Variants in LHFPL4 observed in about 807,000 individuals in gnomAD.
LHFPL4 encodes LHFPL tetraspan subfamily member 4 protein.
LHFPL4 carries 6 observed loss-of-function variants against 20.0 expected under a neutral mutation model. The ratio of observed to expected loss-of-function variants is 0.30; its 90% confidence interval spans 0.16 to 0.59. The LOEUF (loss-of-function observed/expected upper bound fraction) is 0.59, where lower values mean the gene tolerates loss of function less well. Among genes scored for constraint, LHFPL4 ranks in the 20% least tolerant of loss-of-function variants. LHFPL4 has a pLI of 0.88. For synonymous variants in LHFPL4, 129 were observed against 143.8 expected, an observed-to-expected ratio of 0.90 and a Z score of 0.74; for missense variants, 215 against 331.2, an observed-to-expected ratio of 0.65 and a Z score of 2.72.
chr3:9,518,323 G>T (rs1162395974), intron 2 of LHFPL4, among the ~76,000 whole-genome samples: 1 of 152,088 alleles, frequency 6.6e-6, no homozygotes, highest in Non-Finnish European at 1.5e-5. Flanking sequence ...ATTTGTTGAT[G>T]ATTTTGGATC....
intron 2 of LHFPL4, among the ~76,000 whole-genome samples, chr3:9,524,644 G>A (rs936725334): frequency 7.2e-4 from 110 of 152,162 alleles, no homozygotes; most frequent in African/African-American, 2.7e-3. Context: ...TTGCCCATCT[G>A]TTCTTGCATG....
chr3:9,546,112 G>C (rs565189190), intron 2 of LHFPL4, among the ~76,000 whole-genome samples: 2 of 151,362 alleles, frequency 1.3e-5, no homozygotes, highest in Admixed American at 1.3e-4. Flanking sequence ...TCAGCAGTTC[G>C]AGACCAGCCT....
intron 2 of LHFPL4, among the ~76,000 whole-genome samples, chr3:9,513,040 AG>A (rs1444102187): frequency 3.3e-5 from 5 of 151,854 alleles, no homozygotes; most frequent in Non-Finnish European, 5.9e-5. Context: ...GCTCACTGCA[AG>A]CTCCGCCTCC....
intron 2 of LHFPL4, among the ~76,000 whole-genome samples, chr3:9,550,040 C>T (rs2046542806): frequency 6.6e-6 from 1 of 152,088 alleles, no homozygotes; most frequent in Non-Finnish European, 1.5e-5. Flanking sequence ...CCAAGAGATA[C>T]TTTAAATCAC....
At chr3:9,518,434 G>A (rs952445950) in intron 2 of LHFPL4, among the ~76,000 whole-genome samples, 4 of 152,152 alleles carry the variant, frequency 2.6e-5, no homozygotes, top group Non-Finnish European at 5.9e-5. Flanking sequence ...AATGAGTTAG[G>A]AAGTTTTCTC....
chr3:9,518,787 CAG>C (rs977863823), intron 2 of LHFPL4, among the ~76,000 whole-genome samples: 3 of 140,050 alleles, frequency 2.1e-5, no homozygotes, highest in Admixed American at 7.3e-5. Context: ...TTCTTTGAAA[CAG>C]AGTCTCACTC....
intron 2 of LHFPL4, among the ~76,000 whole-genome samples, chr3:9,518,705 T>C (rs1413112721): frequency 6.6e-6 from 1 of 152,070 alleles, no homozygotes; most frequent in Admixed American, 6.6e-5. Flanking sequence ...TAAAAAAGCA[T>C]TTCTTTATTA....
chr3:9,504,629 T>C (rs1420091057), intron 3 of LHFPL4, among the ~76,000 whole-genome samples: 1 of 151,872 alleles, frequency 6.6e-6, no homozygotes, highest in Non-Finnish European at 1.5e-5. Flanking sequence ...ATCGAGACCA[T>C]CCTGGCTAAC....
In LHFPL4 at chr3:9,514,941, T is replaced by G. The variant is rs1191547028; in HGVS notation, c.407-8738A>C. ...TTGTTTGCTTCCAAATTTTGGCAGT[T>G]ATGAATAAAGCTGATGTAAATATCT... On this transcript the variant is annotated intron_variant, in intron 2 of 3. Transcript: ENST00000287585. Among the ~76,000 whole-genome samples, 5 of 152,370 alleles carry G rather than the reference T, an allele frequency of 3.3e-5. No individual in the cohort carries two copies. In the East Asian group the frequency reaches 9.6e-4, roughly 29 times the overall value.
chr3:9,523,795 G>T (rs1455532493), intron 2 of LHFPL4, among the ~76,000 whole-genome samples: 1 of 151,952 alleles, frequency 6.6e-6, no homozygotes, highest in Non-Finnish European at 1.5e-5. Flanking sequence ...TCCCTTACTT[G>T]TATACATCTG....
chr3:9,508,694 A>T (rs755806892), intron 2 of LHFPL4, among the ~76,000 whole-genome samples: 14 of 152,192 alleles, frequency 9.2e-5, no homozygotes, highest in Non-Finnish European at 1.5e-4. Context: ...TCATCTCTCC[A>T]CATAGCGCTG....
At chr3:9,528,536 G>A (rs1225525873) in intron 2 of LHFPL4, among the ~76,000 whole-genome samples, 1 of 152,132 alleles carries the variant, frequency 6.6e-6, no homozygotes, top group Non-Finnish European at 1.5e-5. Context: ...TCATCCATGA[G>A]GGCTGGAATT....
rs760539219 is a variant in LHFPL4 at position 9,552,697 on chromosome 3, C to CCGG, written c.-21_-19dup. The CCGG allele has an allele frequency of 1.3e-5, 18 of 1,349,112 alleles. No homozygotes were observed. The Admixed American group carries it at 1.5e-4, about 11-fold the overall frequency. 83.6% of individuals were successfully genotyped at this position (1,349,112 alleles called of 1,614,324 possible). A position where few individuals can be genotyped will look rare whatever the true frequency, so the allele number is the denominator to read the frequency against. ...GGCAGCATGGTGCCCGGAGGCGGGG[C>CCGG]CGGCGGCGGCGGCGGCTGGCGGGGG... On this transcript the variant is annotated 5_prime_UTR_variant, in exon 2 of 4. Transcript: ENST00000287585.
chr3:9,537,234 A>G (rs1429316909), intron 2 of LHFPL4, among the ~76,000 whole-genome samples: 2 of 152,060 alleles, frequency 1.3e-5, no homozygotes, highest in African/African-American at 4.8e-5. Context: ...CACTCTGGCC[A>G]CACTGCCCTC....
chr3:9,506,064 G>C lies in LHFPL4; in HGVS notation c.546C>G (p.Ile182Met). The stretch of plus-strand genomic sequence containing the variant: ...AGAGGATGAGGGCGTTGAGGATGCC[G>C]ATGATGGCCAGGATGTATGCCCAGC... ...SVRWAYILAIIGILNALILSF... is the reference protein window; with the variant it reads ...SVRWAYILAIMGILNALILSF... Residue 182 changes from isoleucine to methionine, a missense_variant, in exon 3 of 4, where the codon ATC becomes ATG. Physicochemically the swap from Ile to Met is conservative, Grantham distance 10. Around this residue, in one of 2 missense-constraint regions of LHFPL4, gnomAD observed 164 missense variants for 286.7 expected, o/e 0.57. Coordinates refer to ENST00000287585, the MANE Select transcript of LHFPL4 (RefSeq NM_198560.3). The surrounding 1 kb of genome is among the most constrained non-coding windows in gnomAD (Gnocchi z 4.5). 1 of 1,614,194 alleles carries C rather than the reference G, an allele frequency of 6.2e-7. No homozygotes were observed. Among genetic ancestry groups the C allele is most frequent in the Non-Finnish European group, 8.5e-7 (1 of 1,180,028 alleles).
intron 3 of LHFPL4, among the ~76,000 whole-genome samples, chr3:9,502,888 C>T (rs2046187993): frequency 6.6e-6 from 1 of 152,016 alleles, no homozygotes; most frequent in Non-Finnish European, 1.5e-5. Context: ...CAAAAAGAGA[C>T]AAATAATGAC....
At position 9,535,534 on chromosome 3, in the gene LHFPL4, T is replaced by C. The variant is rs183921327; in HGVS notation, c.406+16740A>G. On this transcript the variant is annotated intron_variant, in intron 2 of 3. Coordinates refer to ENST00000287585, the MANE Select transcript of LHFPL4 (RefSeq NM_198560.3). Reference sequence around the variant, plus strand: ...TACGGGTGTAATTCTGCTCAAAATATATTCTCCAATTTTTCCACAAAGAAC... The same window carrying C: ...TACGGGTGTAATTCTGCTCAAAATACATTCTCCAATTTTTCCACAAAGAAC... Among the ~76,000 whole-genome samples, 117 of 145,744 alleles carry C rather than the reference T, an allele frequency of 8.0e-4. 1 individual carries two copies. The highest frequency in any genetic ancestry group is 2.8e-3 in the African/African-American group (116 of 40,726).
chr3:9,551,814 C>T (rs1574858457), intron 2 of LHFPL4, among the ~76,000 whole-genome samples: 1 of 152,112 alleles, frequency 6.6e-6, no homozygotes, highest in Non-Finnish European at 1.5e-5. Flanking sequence ...ATGAGGAAAC[C>T]GAGCCTCAGA....
In LHFPL4 at chr3:9,498,693, C is replaced by T. The variant is rs1194995360; in HGVS notation, c.*3518G>A. ...TCTGGTGCTGGGAACATCCCAGCTT[C>T]TCCAAAGACAGGGTTTCCCTTTCTC... is the stretch of plus-strand genomic sequence containing the variant. On this transcript the variant is annotated 3_prime_UTR_variant, in exon 4 of 4. Transcript: ENST00000287585. 6.6e-6 allele frequency: 1 copy of T among 152,650 alleles called. No homozygotes were observed. Among genetic ancestry groups the T allele is most frequent in the African/African-American group, 2.4e-5 (1 of 41,438 alleles). The allele number at this position is 152,650 out of a possible 1,614,324, so 9.5% of individuals were successfully genotyped here. A position where few individuals can be genotyped will look rare whatever the true frequency, so the allele number is the denominator to read the frequency against.
Sources: gnomAD v4.1 joint callset for allele counts (sites outside exome capture counted in the v4.1 genomes callset) on GRCh38, gnomAD v4.1.1 for gene constraint, gnomAD v4.1.1 regional missense constraint, Gnocchi (gnomAD v3.1) non-coding constraint, MANE v1.5 for transcripts, NCBI Gene and HGNC (gene_info 2026-07-23, HGNC 2026-07-21) for gene names.